The following PKD1L1 variants were observed in gnomAD, a reference collection of about 807,000 sequenced individuals.
PKD1L1 encodes the protein polycystin-1-like protein 1.
PKD1L1 carries 236 observed loss-of-function variants against 323.4 expected under a neutral mutation model. That is an observed-to-expected ratio of 0.73 (90% CI 0.66 to 0.81). The LOEUF is 0.81. Among genes scored for constraint, PKD1L1 ranks in the 40% least tolerant of loss-of-function variants. PKD1L1 has a pLI of 0.00. For synonymous variants in PKD1L1, 1,344 were observed against 1,335.0 expected, an observed-to-expected ratio of 1.01 and a Z score of -0.15; for missense variants, 3,320 against 3,508.0, an observed-to-expected ratio of 0.95 and a Z score of 1.35.
At chr7:47,817,553 T>C (rs929882487) in intron 46 of PKD1L1, among the ~76,000 whole-genome samples, 2 of 152,206 alleles carry the variant, frequency 1.3e-5, no homozygotes, top group Admixed American at 1.3e-4. Context: ...CAATAATCTG[T>C]ATATACTATA....
intron 3 of PKD1L1, among the ~76,000 whole-genome samples, chr7:47,938,259 G>C (rs941452513): frequency 4.6e-5 from 7 of 152,150 alleles, no homozygotes; most frequent in Non-Finnish European, 8.8e-5. Flanking sequence ...CATCTTTCAG[G>C]AGAACAACAC....
chr7:47,853,560 T>C (rs1406257452), intron 30 of PKD1L1, among the ~76,000 whole-genome samples: 1 of 152,014 alleles, frequency 6.6e-6, no homozygotes, highest in Non-Finnish European at 1.5e-5. Context: ...CTGACCAACA[T>C]GGTGAAACCC....
At position 47,947,696 on chromosome 7, in the gene PKD1L1, G is replaced by T. The variant is rs1231570988; in HGVS notation, c.44+701C>A. ...AATAAGACCCATGGAGGCTGGGTGC[G>T]GTGGCTTATGCCTGTAATCCCAGTA... On this transcript the variant is annotated intron_variant, in intron 1 of 56. Transcript: ENST00000289672. Among the ~76,000 whole-genome samples, 2 of 152,224 alleles carry T rather than the reference G, an allele frequency of 1.3e-5. 1 individual carries two copies. The highest frequency in any genetic ancestry group is 4.1e-4 in the South Asian group (2 of 4,836).
At chr7:47,792,878 G>C in intron 55 of PKD1L1, 81 bp from the exon 56 acceptor site, 1 of 1,317,110 alleles carries the variant, frequency 7.6e-7, no homozygotes, top group Non-Finnish European at 1.1e-6. Context: ...AGCATTTAGG[G>C]GTATCATCTG....
At chr7:47,914,691 C>A (rs1371687223) in intron 8 of PKD1L1, among the ~76,000 whole-genome samples, 1 of 152,144 alleles carries the variant, frequency 6.6e-6, no homozygotes, top group Non-Finnish European at 1.5e-5. Context: ...TCTCTCCCTC[C>A]CTCTCCATCT....
intron 27 of PKD1L1, 55 bp from the exon 28 acceptor site, chr7:47,857,887 C>G (rs1785940750): frequency 6.5e-7 from 1 of 1,529,926 alleles, no homozygotes; most frequent in Non-Finnish European, 9.0e-7. Flanking sequence ...CACAAACTGT[C>G]TTGAATCCAG....
rs764806906 is a variant in PKD1L1, at chr7:47,815,370, C to T, written c.7053G>A (p.Pro2351=). ...GCACACGGGCTGACGGGGTGCCTCC[C>T]GGGTACAGGCCATCCAGAAGTGTGG... ...SLTTLLDGLY[P]GGTPSARVPG... is the part of the protein sequence containing the mutation. Residue 2351 remains proline (P), a synonymous_variant, in exon 47 of 57, where the codon CCG becomes CCA. Coordinates refer to ENST00000289672, the MANE Select transcript of PKD1L1 (RefSeq NM_138295.5). The T allele has an allele frequency of 6.8e-6, 11 of 1,614,026 alleles. No homozygotes were observed. The highest frequency in any genetic ancestry group is 6.6e-5 in the South Asian group (6 of 91,088).
intron 14 of PKD1L1, 126 bp from the exon 15 acceptor site, chr7:47,894,185 A>T: frequency 1.2e-6 from 1 of 808,274 alleles, no homozygotes; most frequent in South Asian, 2.0e-5. Context: ...GCTCCAACTA[A>T]AACAGTCTTG....
At chr7:47,948,661 T>C (rs1054331293), upstream of PKD1L1, among the ~76,000 whole-genome samples, 2 of 152,158 alleles carry the variant, frequency 1.3e-5, no homozygotes, top group Admixed American at 6.5e-5. Flanking sequence ...AATTCCTTCC[T>C]AAGAAGTGTG....
At chr7:47,904,327 T>C (rs750165775) in intron 12 of PKD1L1, 51 bp downstream of exon 12, 2 of 1,609,208 alleles carry the variant, frequency 1.2e-6, no homozygotes, top group Non-Finnish European at 8.5e-7. Flanking sequence ...CTTAAGACTC[T>C]GATTCCCGCG....
At chr7:47,912,310 T>C (rs1016578190) in intron 8 of PKD1L1, among the ~76,000 whole-genome samples, 13 of 151,860 alleles carry the variant, frequency 8.6e-5, no homozygotes, top group African/African-American at 2.9e-4. Flanking sequence ...CAAAAAAGAT[T>C]TGAAAAGACA....
the PKD1L1 span, among the ~76,000 whole-genome samples, chr7:47,956,173 G>A: frequency 1.1e-4 from 5 of 45,854 alleles, no homozygotes; most frequent in Non-Finnish European, 3.2e-4. Context: ...ATGAACAGAG[G>A]GTAAAGAGAA....
At chr7:47,923,264 C>G (rs1787591525) in intron 7 of PKD1L1, among the ~76,000 whole-genome samples, 2 of 151,546 alleles carry the variant, frequency 1.3e-5, no homozygotes, top group Admixed American at 1.3e-4. Context: ...GCTGACCTTC[C>G]CTCCAGTATT....
intron 56 of PKD1L1, 91 bp downstream of exon 56, chr7:47,792,535 CT>C: frequency 7.8e-7 from 1 of 1,281,352 alleles, no homozygotes; most frequent in Non-Finnish European, 1.1e-6. Context: ...GCAAATGGAC[CT>C]TATAATTTGG....
In PKD1L1 at chr7:47,831,309, C is replaced by A; in HGVS notation, c.6381G>T (p.Arg2127Ser). Reference protein sequence around the residue: ...GLEGLMPQWSRALQPWWSSAV... With the variant: ...GLEGLMPQWSSALQPWWSSAV... The stretch of plus-strand genomic sequence containing the variant: ...CAGAGCTCCACCAAGGCTGAAGGGC[C>A]CTTGACCACTGGGGCATTAGTCCCT... Residue 2127 changes from arginine (R) to serine (S), a missense_variant, in exon 42 of 57, where the codon AGG becomes AGT. Coordinates refer to ENST00000289672, the MANE Select transcript of PKD1L1 (RefSeq NM_138295.5). 1 of 1,614,114 alleles carries A rather than the reference C, an allele frequency of 6.2e-7. No homozygotes were observed.
chr7:47,850,463 C>CT (rs1785755278), intron 31 of PKD1L1, among the ~76,000 whole-genome samples: 1 of 151,868 alleles, frequency 6.6e-6, no homozygotes, highest in Non-Finnish European at 1.5e-5. Flanking sequence ...GAAACCCTGT[C>CT]CCTACTAAAA....
rs562661253 is a variant in PKD1L1 at position 47,905,590 on chromosome 7, G to A, written c.1522+253C>T. On this transcript the variant is annotated intron_variant, in intron 10 of 56. Transcript: ENST00000289672. Reference sequence around the variant, plus strand: ...TCCCTTTGAGATTCTGCTAGAAAGGGTGTGGCACATGGAGCTGGCAGATAA... The same window carrying A: ...TCCCTTTGAGATTCTGCTAGAAAGGATGTGGCACATGGAGCTGGCAGATAA... 1.1e-3 allele frequency among the ~76,000 whole-genome samples: 163 copies of A among 152,338 alleles called. 1 individual carries two copies. Among genetic ancestry groups the A allele is most frequent in the South Asian group, 9.1e-3 (44 of 4,830 alleles).
rs1325165887 is a variant in PKD1L1, at chr7:47,804,649, A to AT, written c.7828-1306dup. Among the ~76,000 whole-genome samples, 37 of 150,778 alleles carry AT rather than the reference A, an allele frequency of 2.5e-4. 1 individual carries two copies. Among genetic ancestry groups the AT allele is most frequent in the African/African-American group, 7.5e-4 (31 of 41,126 alleles). ...CATAGTGGCTATTATTATTATTTTT[A>AT]TTTTTTTTGCATTTTAATAGAGACA... On this transcript the variant is annotated intron_variant, in intron 52 of 56. Transcript: ENST00000289672.
chr7:47,792,539 T>A lies in PKD1L1; in HGVS notation c.8526+88A>T, dbSNP rs1786973853. 1.1e-5 allele frequency: 15 copies of A among 1,323,142 alleles called. No homozygotes were observed. The South Asian group carries it at 2.0e-4, about 18-fold the overall frequency. The allele number at this position is 1,323,142 out of a possible 1,614,324, so 82.0% of individuals were successfully genotyped here. A position where few individuals can be genotyped will look rare whatever the true frequency, so the allele number is the denominator to read the frequency against. On this transcript the variant is annotated intron_variant, in intron 56 of 56. Coordinates refer to ENST00000289672, the MANE Select transcript of PKD1L1 (RefSeq NM_138295.5). Reference sequence around the variant, plus strand: ...AGAATATTTATGCAAATGGACCTTATAATTTGGAAAAACAACTATTCCAAA... The same window carrying A: ...AGAATATTTATGCAAATGGACCTTAAAATTTGGAAAAACAACTATTCCAAA...
Sources: allele counts gnomAD v4.1 joint callset (sites outside exome capture counted in the v4.1 genomes callset), GRCh38; gene constraint gnomAD v4.1.1; transcripts MANE v1.5; gene names NCBI Gene and HGNC (gene_info 2026-07-23, HGNC 2026-07-21).